CTNNA2: variants seen among roughly 807,000 people sequenced by gnomAD.
CTNNA2 encodes the protein catenin alpha-2.
Under a neutral mutation model 101.0 loss-of-function variants are expected in CTNNA2, and 42 were observed. The ratio of observed to expected loss-of-function variants is 0.42; its 90% CI spans 0.32 to 0.54. The LOEUF (loss-of-function observed/expected upper bound fraction) is 0.54, where lower values mean the gene tolerates loss of function less well. CTNNA2 is among the 20% of genes least tolerant of loss of function. The probability of loss-of-function intolerance (pLI) is 0.14; values close to 1 mark genes in which losing one functional copy is unlikely to be tolerated. For missense variants in CTNNA2, 871 were observed against 1,223.1 expected (o/e 0.71, Z 4.29); for synonymous variants, 450 against 456.4 (o/e 0.99, Z 0.18).
At chr2:80,538,220 A>G (rs1691221302) in intron 9 of CTNNA2, among the ~76,000 whole-genome samples, 1 of 152,112 alleles carries the variant, frequency 6.6e-6, no homozygotes, top group Non-Finnish European at 1.5e-5. Flanking sequence ...GAAGCTCTTT[A>G]GTTTGATTAG....
intron 1 of CTNNA2, among the ~76,000 whole-genome samples, chr2:79,638,075 A>G (rs1379949218): frequency 6.6e-6 from 1 of 152,210 alleles, no homozygotes; most frequent in Non-Finnish European, 1.5e-5. Flanking sequence ...CCAGCATACC[A>G]GGACTTGATG....
At chr2:79,250,116 G>T (rs1674751037) in intron 2 of CTNNA2, among the ~76,000 whole-genome samples, 1 of 152,110 alleles carries the variant, frequency 6.6e-6, no homozygotes, top group African/African-American at 2.4e-5. Flanking sequence ...GCCACACACT[G>T]CCCAGGATTG....
intron 18 of CTNNA2, among the ~76,000 whole-genome samples, chr2:80,634,129 TGGAGGACTCATATGCTAG>T (rs1672598290): frequency 6.6e-6 from 1 of 152,026 alleles, no homozygotes; most frequent in Non-Finnish European, 1.5e-5. Context: ...CAAATATTTA[TGGAGGACTCATATGCTAG>T]GCACTGTTTT....
At chr2:80,328,639 G>A (rs1671040326) in intron 7 of CTNNA2, among the ~76,000 whole-genome samples, 1 of 152,192 alleles carries the variant, frequency 6.6e-6, no homozygotes, top group Admixed American at 6.5e-5. Flanking sequence ...ATCAGAGGCT[G>A]CTTAGGAATC....
chr2:79,668,186 G>A (rs1682564313), intron 2 of CTNNA2, among the ~76,000 whole-genome samples: 1 of 142,882 alleles, frequency 7.0e-6, no homozygotes, highest in Admixed American at 7.3e-5. Context: ...CTTGCAGTGA[G>A]CCGAGATTGC....
intron 11 of CTNNA2, 109 bp from the exon 12 acceptor site, chr2:80,555,584 T>G: frequency 1.9e-6 from 1 of 521,402 alleles, no homozygotes; most frequent in Non-Finnish European, 3.3e-6. Context: ...TTATTAGGCA[T>G]GCATTGAGAT....
chr2:79,760,614 A>C (rs909687569), intron 3 of CTNNA2, among the ~76,000 whole-genome samples: 2 of 152,180 alleles, frequency 1.3e-5, no homozygotes, highest in African/African-American at 4.8e-5. Context: ...AATGTCTAGA[A>C]AGCAACAACT....
intron 9 of CTNNA2, among the ~76,000 whole-genome samples, chr2:80,423,639 A>G (rs1351914478): frequency 6.6e-6 from 1 of 152,154 alleles, no homozygotes; most frequent in Non-Finnish European, 1.5e-5. Context: ...ATCCACTGGG[A>G]TGTTAATATT....
chr2:80,475,308 C>T (rs1457455433), intron 9 of CTNNA2, among the ~76,000 whole-genome samples: 2 of 151,966 alleles, frequency 1.3e-5, no homozygotes, highest in Non-Finnish European at 2.9e-5. Flanking sequence ...CATTTTTTCC[C>T]CTTTATTTTT....
intron 3 of CTNNA2, among the ~76,000 whole-genome samples, chr2:79,366,755 G>A (rs958230320): frequency 9.9e-5 from 15 of 152,226 alleles, no homozygotes; most frequent in African/African-American, 2.9e-4. Context: ...AAAGAAGGAC[G>A]TTCTGCCTTG....
intron 4 of CTNNA2, among the ~76,000 whole-genome samples, chr2:79,860,071 T>C (rs1183707102): frequency 6.6e-6 from 1 of 152,144 alleles, no homozygotes; most frequent in African/African-American, 2.4e-5. Context: ...CTCCAGTCTG[T>C]CTCTGTTATA....
rs941935766 is a variant in CTNNA2, at chr2:79,914,183, A to G, written c.1056+4386A>G. ...CTCCGTCTCAAAAAAAAAAAAAAAA[A>G]AAAAAAGAAAGTAGCTTACTTGGCA... On this transcript the variant is annotated intron_variant, in intron 7 of 18. Coordinates refer to ENST00000402739, the MANE Select transcript of CTNNA2 (RefSeq NM_001282597.3). 5.1e-3 allele frequency among the ~76,000 whole-genome samples: 778 copies of G among 151,306 alleles called. 13 individuals are homozygous for G. Among genetic ancestry groups the G allele is most frequent in the African/African-American group, 0.018 (762 of 41,254 alleles).
intron 1 of CTNNA2, among the ~76,000 whole-genome samples, chr2:79,550,633 C>T (rs1313342738): frequency 6.6e-6 from 1 of 152,210 alleles, no homozygotes; most frequent in Non-Finnish European, 1.5e-5. Flanking sequence ...AAGCGCAACA[C>T]TCATTTACTT....
At chr2:79,855,755 C>A (rs12478746) in intron 3 of CTNNA2, among the ~76,000 whole-genome samples, 31 of 151,996 alleles carry the variant, frequency 2.0e-4, no homozygotes, top group Admixed American at 5.2e-4. Flanking sequence ...AGAATAAATC[C>A]CCCTTTCCCT....
chr2:80,340,054 C>T (rs1209079602), intron 7 of CTNNA2, among the ~76,000 whole-genome samples: 1 of 152,180 alleles, frequency 6.6e-6, no homozygotes, highest in Non-Finnish European at 1.5e-5. Flanking sequence ...CAAGTAATTG[C>T]AGAGAAAATA....
intron 16 of CTNNA2, among the ~76,000 whole-genome samples, chr2:80,606,702 A>G (rs755857650): frequency 6.6e-6 from 1 of 151,940 alleles, no homozygotes; most frequent in African/African-American, 2.4e-5. Context: ...TAGAATGAGT[A>G]TTATCAAGGA....
At chr2:79,223,018 C>T (rs1264277265) in intron 2 of CTNNA2, among the ~76,000 whole-genome samples, 1 of 152,040 alleles carries the variant, frequency 6.6e-6, no homozygotes, top group Non-Finnish European at 1.5e-5. Context: ...AGGCATAGTG[C>T]AAGTGGTGGA....
chr2:79,233,154 T>A (rs891656922), intron 2 of CTNNA2, among the ~76,000 whole-genome samples: 1 of 152,194 alleles, frequency 6.6e-6, no homozygotes, highest in African/African-American at 2.4e-5. Context: ...TTTAAGTAGT[T>A]AATTTGAGAA....
chr2:79,551,214 A>C (rs1357895700), intron 1 of CTNNA2, among the ~76,000 whole-genome samples: 1 of 152,320 alleles, frequency 6.6e-6, no homozygotes, highest in Non-Finnish European at 1.5e-5. Flanking sequence ...ACAAAACCTC[A>C]GGAGCATCTG....
Sources: gnomAD v4.1 joint callset for allele counts (sites outside exome capture counted in the v4.1 genomes callset) on GRCh38, gnomAD v4.1.1 for gene constraint, MANE v1.5 for transcripts, NCBI Gene and HGNC (gene_info 2026-07-23, HGNC 2026-07-21) for gene names.